Variants in HS3ST2 observed in about 807,000 individuals in gnomAD.
HS3ST2 encodes heparan sulfate glucosamine 3-O-sulfotransferase 2.
In HS3ST2, 17 loss-of-function variants were observed where a neutral mutation model predicts 26.3. The ratio of observed to expected loss-of-function variants is 0.65; its 90% CI spans 0.44 to 0.97. HS3ST2 has a LOEUF of 0.97. HS3ST2 is among the 50% of genes least tolerant of loss of function. The pLI, the probability that HS3ST2 is intolerant of heterozygous loss-of-function variation, is 0.00. For synonymous variants in HS3ST2, 237 were observed against 219.2 expected, an observed-to-expected ratio of 1.08 and a Z score of -0.72; for missense variants, 402 against 501.2, an observed-to-expected ratio of 0.80 and a Z score of 1.89.
intron 1 of HS3ST2, among the ~76,000 whole-genome samples, chr16:22,821,441 G>A (rs1317710021): frequency 6.6e-6 from 1 of 151,632 alleles, no homozygotes; most frequent in African/African-American, 2.4e-5. Context: ...GGGTGCATGG[G>A]GACGGGGTGG....
intron 1 of HS3ST2, among the ~76,000 whole-genome samples, chr16:22,873,816 T>G (rs1901871139): frequency 6.6e-6 from 1 of 152,192 alleles, no homozygotes; most frequent in East Asian, 1.9e-4. Context: ...GTTGGCTGGA[T>G]TCACTCACAC....
At chr16:22,836,926 G>C (rs1901264639) in intron 1 of HS3ST2, among the ~76,000 whole-genome samples, 1 of 152,120 alleles carries the variant, frequency 6.6e-6, no homozygotes, top group East Asian at 1.9e-4. Context: ...CCAAAGTGAT[G>C]GGTTTATAGG....
At chr16:22,914,852 A>T (rs1185802861) in intron 1 of HS3ST2, 92 bp from the exon 2 acceptor site, 3 of 1,336,690 alleles carry the variant, frequency 2.2e-6, no homozygotes, top group South Asian at 2.8e-5. Context: ...GGAGGATGCA[A>T]CAGGCCCCTG....
chr16:22,892,340 T>C (rs1420528019), intron 1 of HS3ST2, among the ~76,000 whole-genome samples: 2 of 150,762 alleles, frequency 1.3e-5, no homozygotes, highest in East Asian at 1.9e-4. Flanking sequence ...ATTTTATATA[T>C]AGTTGGGAGA....
chr16:22,908,563 G>T (rs1014038793), intron 1 of HS3ST2, among the ~76,000 whole-genome samples: 1 of 152,124 alleles, frequency 6.6e-6, no homozygotes, highest in African/African-American at 2.4e-5. Context: ...TGCTGTTGGG[G>T]GCTCTCCGTA....
chr16:22,836,258 G>A (rs754998587), intron 1 of HS3ST2, among the ~76,000 whole-genome samples: 10 of 152,168 alleles, frequency 6.6e-5, no homozygotes, highest in African/African-American at 1.9e-4. Context: ...ATAGAGACAT[G>A]CCATCTGTAT....
intron 1 of HS3ST2, among the ~76,000 whole-genome samples, chr16:22,819,081 TC>T (rs1302849279): frequency 1.2e-4 from 1 of 8,318 alleles, no homozygotes. Context: ...CTTCCCTCCC[TC>T]CCTCCCTTCC....
intron 1 of HS3ST2, among the ~76,000 whole-genome samples, chr16:22,845,284 T>C (rs569491178): frequency 6.7e-6 from 1 of 148,300 alleles, no homozygotes; most frequent in East Asian, 1.9e-4. Flanking sequence ...TCATTCCAGC[T>C]GCCAATGCTC....
At chr16:22,895,633 C>A (rs781598729) in intron 1 of HS3ST2, among the ~76,000 whole-genome samples, 6 of 152,082 alleles carry the variant, frequency 3.9e-5, no homozygotes, top group South Asian at 2.1e-4. Flanking sequence ...TGGTGTTTGG[C>A]CTATTTCCAA....
chr16:22,825,645 G>T (rs936540968), intron 1 of HS3ST2, among the ~76,000 whole-genome samples: 1 of 152,112 alleles, frequency 6.6e-6, no homozygotes, highest in African/African-American at 2.4e-5. Context: ...TTGGTTGGGG[G>T]CTAATAAGGA....
intron 1 of HS3ST2, among the ~76,000 whole-genome samples, chr16:22,820,856 G>A (rs1900981193): frequency 6.6e-6 from 1 of 152,206 alleles, no homozygotes; most frequent in Non-Finnish European, 1.5e-5. Flanking sequence ...AAATACCACT[G>A]AAAGGTTCTA....
In HS3ST2 at chr16:22,915,568, C is replaced by T. The variant is rs771343174; in HGVS notation, c.*6C>T. ...AGGACTTCAGGTGGGAATAAGCCCA[C>T]GAAAGGAAAGGGCTCTCAAGGGCTC... On this transcript the variant is annotated 3_prime_UTR_variant, in exon 2 of 2. Coordinates refer to ENST00000261374, the MANE Select transcript of HS3ST2 (RefSeq NM_006043.2). 13 of 1,607,562 alleles carry T rather than the reference C, an allele frequency of 8.1e-6. No homozygotes were observed. Among genetic ancestry groups the T allele is most frequent in the East Asian group, 2.2e-5 (1 of 44,802 alleles).
intron 1 of HS3ST2, among the ~76,000 whole-genome samples, chr16:22,866,763 C>T (rs895938235): frequency 4.6e-5 from 7 of 152,014 alleles, no homozygotes; most frequent in African/African-American, 1.7e-4. Flanking sequence ...AAGATTATGT[C>T]ACTGCACTCC....
intron 1 of HS3ST2, among the ~76,000 whole-genome samples, chr16:22,888,191 C>T (rs1282740989): frequency 6.6e-6 from 1 of 151,990 alleles, no homozygotes; most frequent in Admixed American, 6.6e-5. Context: ...AATTTAAATC[C>T]TTGTCTCTGT....
intron 1 of HS3ST2, among the ~76,000 whole-genome samples, chr16:22,900,696 T>C (rs943672302): frequency 1.2e-4 from 18 of 151,770 alleles, no homozygotes; most frequent in African/African-American, 4.1e-4. Flanking sequence ...GAAGAAAGAA[T>C]GTGTTCCCAA....
chr16:22,856,630 A>T (rs920623053), intron 1 of HS3ST2, among the ~76,000 whole-genome samples: 1 of 151,986 alleles, frequency 6.6e-6, no homozygotes, highest in African/African-American at 2.4e-5. Context: ...GATGGGAAAG[A>T]GTTTTGGGAG....
chr16:22,862,001 TA>T (rs1416531259), intron 1 of HS3ST2, among the ~76,000 whole-genome samples: 4 of 152,206 alleles, frequency 2.6e-5, no homozygotes, highest in African/African-American at 9.6e-5. Flanking sequence ...TAAAGAAAAG[TA>T]AATGTACTTG....
intron 1 of HS3ST2, among the ~76,000 whole-genome samples, chr16:22,819,883 C>T (rs1900962282): frequency 6.6e-6 from 1 of 152,162 alleles, no homozygotes; most frequent in African/African-American, 2.4e-5. Flanking sequence ...GAAATGCAAA[C>T]CTTAGAAAAA....
intron 1 of HS3ST2, 104 bp from the exon 2 acceptor site, chr16:22,914,837 CAGG>C: frequency 9.0e-7 from 1 of 1,107,006 alleles, no homozygotes; most frequent in South Asian, 1.5e-5. Flanking sequence ...GAACAGAGGC[CAGG>C]AGGAGGATGC....
Sources: allele counts gnomAD v4.1 joint callset (sites outside exome capture counted in the v4.1 genomes callset), GRCh38; gene constraint gnomAD v4.1.1; transcripts MANE v1.5; gene names NCBI Gene and HGNC (gene_info 2026-07-23, HGNC 2026-07-21).